The following TAB1 variants were observed in gnomAD, a reference collection of about 807,000 sequenced individuals.
TAB1 encodes TGF-beta-activated kinase 1 and MAP3K7-binding protein 1.
TAB1 carries 30 observed loss-of-function variants against 54.5 expected under a neutral mutation model. That is an observed-to-expected ratio of 0.55 (90% CI 0.41 to 0.75). The LOEUF is 0.75. Ranked by LOEUF, TAB1 falls within the 30% of genes least tolerant of loss-of-function variation. The probability of loss-of-function intolerance (pLI) is 0.00; values close to 1 mark genes in which losing one functional copy is unlikely to be tolerated. For synonymous variants in TAB1, 289 were observed against 286.9 expected, an observed-to-expected ratio of 1.01 and a Z score of -0.07; for missense variants, 609 against 683.2, an observed-to-expected ratio of 0.89 and a Z score of 1.21.
intron 10 of TAB1, chr22:39,429,130 G>C (rs777786139): frequency 6.1e-6 from 6 of 985,462 alleles, no homozygotes; most frequent in Admixed American, 1.2e-4. Flanking sequence ...TCCTTTCAGC[G>C]TCTGAGCCAT....
At chr22:39,433,610 G>T, downstream of TAB1, 1 of 985,406 alleles carries the variant, frequency 1.0e-6, no homozygotes, top group Non-Finnish European at 1.2e-6. Flanking sequence ...GAGTTGTACC[G>T]TCCTGGTCTG....
At chr22:39,418,426 C>T (rs1209907361) in intron 5 of TAB1, among the ~76,000 whole-genome samples, 2 of 152,196 alleles carry the variant, frequency 1.3e-5, no homozygotes, top group African/African-American at 4.8e-5. Context: ...TCCCCACGTT[C>T]TCTATTTTGA....
intron 10 of TAB1, 151 bp downstream of exon 10, chr22:39,428,334 C>T (rs1473670000): frequency 5.6e-6 from 3 of 534,988 alleles, no homozygotes; most frequent in Non-Finnish European, 9.8e-6. Flanking sequence ...TGAGGGAGGT[C>T]TCCCTAGAAA....
intron 1 of TAB1, among the ~76,000 whole-genome samples, chr22:39,402,102 G>A (rs1926169873): frequency 6.6e-6 from 1 of 152,140 alleles, no homozygotes; most frequent in Admixed American, 6.6e-5. Flanking sequence ...TTTAAAGGAT[G>A]AGAGGAGTTT....
chr22:39,419,922 G>T (rs1926996242), intron 7 of TAB1, among the ~76,000 whole-genome samples: 2 of 151,736 alleles, frequency 1.3e-5, no homozygotes, highest in African/African-American at 2.4e-5. Context: ...GGCAGGTTAG[G>T]CCCAGCAGGC....
chr22:39,401,833 A>G (rs959588373), intron 1 of TAB1, among the ~76,000 whole-genome samples: 2 of 152,144 alleles, frequency 1.3e-5, no homozygotes, highest in African/African-American at 4.8e-5. Context: ...GGTGGTGTGT[A>G]GGGCTTGCTG....
chr22:39,416,404 T>G (rs5757659), intron 3 of TAB1, among the ~76,000 whole-genome samples: 117,899 of 152,178 alleles, frequency 0.77, 46,694 homozygotes, highest in East Asian at 1. Flanking sequence ...GAGTGCCAGG[T>G]TGGACTGTCT....
chr22:39,405,918 C>T (rs1357056104), intron 1 of TAB1, among the ~76,000 whole-genome samples: 2 of 152,136 alleles, frequency 1.3e-5, no homozygotes, highest in Non-Finnish European at 1.5e-5. Flanking sequence ...CAGTGTCTGG[C>T]GAGCGCCCGA....
intron 1 of TAB1, among the ~76,000 whole-genome samples, chr22:39,413,209 C>G (rs1044913414): frequency 1.3e-5 from 2 of 151,830 alleles, no homozygotes; most frequent in South Asian, 4.2e-4. Context: ...CCACCGCGCC[C>G]GGCCCATATC....
At position 39,426,732 on chromosome 22, in the gene TAB1, T is replaced by TCA; in HGVS notation, c.951_952insCA (p.Ala318GlnfsTer18). On this transcript the variant is annotated frameshift_variant, in exon 9 of 11. Transcript: ENST00000216160. LOFTEE classifies it high-confidence loss of function. Reference sequence around the variant, plus strand: ...TTGCTGCGATGATTGACACTGAGTTTGCCAAGCAGACCTCCCTGGACGCAG... The same window carrying TCA: ...TTGCTGCGATGATTGACACTGAGTTTCAGCCAAGCAGACCTCCCTGGACGCAG... The TCA allele has an allele frequency of 6.2e-7, 1 of 1,607,920 alleles. No homozygotes were observed. The highest frequency in any genetic ancestry group is 8.5e-7 in the Non-Finnish European group (1 of 1,174,860).
At chr22:39,414,708 T>A (rs1325247736) in intron 1 of TAB1, 1 of 337,416 alleles carries the variant, frequency 3.0e-6, no homozygotes, top group Admixed American at 4.5e-5. Context: ...CTGCGACATT[T>A]GTGTGTGTTT....
chr22:39,416,874 A>C lies in TAB1; in HGVS notation c.408A>C (p.Pro136=). ...AEKASLQSQL[P]EGVPQHQLPP... ...AGGCAAGCCTCCAGTCGCAATTGCC[A>C]GAGGTAATTTCCCCAGCCGACACCC... The change falls in exon 4 of 11, where the codon CCA becomes CCC. Residue 136 remains proline, a synonymous_variant. Coordinates refer to ENST00000216160, the MANE Select transcript of TAB1 (RefSeq NM_006116.3). 1 of 1,614,202 alleles carries C rather than the reference A, an allele frequency of 6.2e-7. No homozygotes were observed. Among genetic ancestry groups the C allele is most frequent in the Non-Finnish European group, 8.5e-7 (1 of 1,180,022 alleles).
Position 39,430,724 on chromosome 22 carries a change from C to T in TAB1, c.*502C>T, listed in dbSNP as rs1249824518. The T allele has an allele frequency of 1.6e-5, 16 of 1,023,750 alleles. No individual in the cohort carries two copies. The highest frequency in any genetic ancestry group is 8.2e-5 in the East Asian group (1 of 12,194). 63.4% of individuals were successfully genotyped at this position (1,023,750 alleles called of 1,614,324 possible). ...CCAGAGTGGAACCCAGGCTGGTGTC[C>T]GCATCTGTCCCTGGGCCCCACCCCT... On this transcript the variant is annotated 3_prime_UTR_variant, in exon 11 of 11. Transcript: ENST00000216160.
downstream of TAB1, chr22:39,436,416 A>G: frequency 6.1e-6 from 8 of 1,319,510 alleles, 1 homozygote; most frequent in Middle Eastern, 1.5e-3. Flanking sequence ...AAAGTTGCCC[A>G]AGATCACACA....
chr22:39,421,409 C>T (rs1480250486), intron 7 of TAB1, among the ~76,000 whole-genome samples: 1 of 152,196 alleles, frequency 6.6e-6, no homozygotes, highest in East Asian at 1.9e-4. Context: ...ACTAAAGGAT[C>T]CCTGTACACA....
In TAB1 at chr22:39,415,692, T is replaced by C. The variant is rs754459249; in HGVS notation, c.324+39T>C. On this transcript the variant is annotated intron_variant, in intron 3 of 10. Transcript: ENST00000216160. This position sits in a 1 kb window ranked among gnomAD's most constrained non-coding sequence, Gnocchi z 4.9. Reference sequence around the variant, plus strand: ...GGCCAACAGTGACCCAGCCACATCATGTCCCCCACCCCAAGGCTTGGGCCC... The same window carrying C: ...GGCCAACAGTGACCCAGCCACATCACGTCCCCCACCCCAAGGCTTGGGCCC... The C allele has an allele frequency of 3.8e-6, 6 of 1,590,480 alleles. No homozygotes were observed. The highest frequency in any genetic ancestry group is 5.1e-6 in the Non-Finnish European group (6 of 1,171,394).
chr22:39,407,366 C>A (rs1231268057), intron 1 of TAB1, among the ~76,000 whole-genome samples: 1 of 152,170 alleles, frequency 6.6e-6, no homozygotes, highest in Non-Finnish European at 1.5e-5. Context: ...GAAATGACTT[C>A]TTTCCCGGTT....
chr22:39,427,374 T>A (rs1033938957), intron 9 of TAB1, among the ~76,000 whole-genome samples: 1 of 152,216 alleles, frequency 6.6e-6, no homozygotes, highest in African/African-American at 2.4e-5. Flanking sequence ...TGTGGACAGA[T>A]GGTCAGGCCC....
At chr22:39,420,179 A>C (rs1395532398) in intron 7 of TAB1, among the ~76,000 whole-genome samples, 1 of 152,164 alleles carries the variant, frequency 6.6e-6, no homozygotes, top group Non-Finnish European at 1.5e-5. Flanking sequence ...TCATCATCAC[A>C]CGGCCAAGCC....
Sources: gnomAD v4.1 joint callset for allele counts (sites outside exome capture counted in the v4.1 genomes callset) on GRCh38, gnomAD v4.1.1 for gene constraint, Gnocchi (gnomAD v3.1) non-coding constraint, MANE v1.5 for transcripts, NCBI Gene and HGNC (gene_info 2026-07-23, HGNC 2026-07-21) for gene names.